Variants in ZNF529 observed in about 807,000 individuals in gnomAD.
The protein encoded by ZNF529 is zinc finger protein 529.
A neutral mutation model predicts 10.1 loss-of-function variants in ZNF529; 11 were observed. The observed-to-expected ratio is 1.09, with a 90% CI of 0.69 to 1.81. The LOEUF (loss-of-function observed/expected upper bound fraction) is 1.81. ZNF529 is among the 40% of genes most tolerant of loss of function. The pLI is 0.00. For missense variants in ZNF529, 624 were observed against 666.8 expected (o/e 0.94, Z 0.71); for synonymous variants, 204 against 215.7 (o/e 0.95, Z 0.47).
At position 36,547,775 on chromosome 19, in the gene ZNF529, C is replaced by T. The variant is rs530867282; in HGVS notation, c.783G>A (p.Arg261=). 1.9e-6 allele frequency: 3 copies of T among 1,612,562 alleles called. No homozygotes were observed. The highest frequency in any genetic ancestry group is 4.5e-5 in the East Asian group (2 of 44,850). The change falls in exon 5 of 5, where the codon AGG becomes AGA. Residue 261 remains arginine, a synonymous_variant. Coordinates refer to ENST00000591340, the MANE Select transcript of ZNF529 (RefSeq NM_020951.5). The part of the protein sequence containing the change: ...EKFYKCKEYR[R]TFERVGKVTP... ...TAACTTTTCCAACTCTTTCAAAGGTCCTTCTGTATTCCTTACATTTATAGA... is the reference window on the plus strand; with the variant it reads ...TAACTTTTCCAACTCTTTCAAAGGTTCTTCTGTATTCCTTACATTTATAGA...
intron 1 of ZNF529, among the ~76,000 whole-genome samples, chr19:36,591,912 CCT>C (rs556822754): frequency 5.7e-4 from 87 of 152,018 alleles, no homozygotes; most frequent in Non-Finnish European, 1.0e-3. Flanking sequence ...AATACCAAAA[CCT>C]GATAAAGATA....
upstream of ZNF529, chr19:36,573,379 AGCTCAAGCGGAGCCCG>A (rs1568605315): frequency 2.2e-6 from 1 of 462,370 alleles, no homozygotes; most frequent in South Asian, 1.6e-5. Flanking sequence ...AGAGCCCTGA[AGCTCAAGCGGAGCCCG>A]CTGGCCGCAG....
intron 2 of ZNF529, among the ~76,000 whole-genome samples, chr19:36,566,544 C>G (rs1164701315): frequency 6.6e-6 from 1 of 150,464 alleles, no homozygotes; most frequent in Non-Finnish European, 1.5e-5. Context: ...AAAAAATTAG[C>G]CAGGCATGGT....
intron 2 of ZNF529, 108 bp from the exon 3 acceptor site, chr19:36,556,305 CATGTT>C (rs1031594693): frequency 3.0e-6 from 2 of 664,686 alleles, no homozygotes; most frequent in African/African-American, 3.7e-5. Context: ...TCTCAAAAAA[CATGTT>C]AAGAACTCTT....
chr19:36,595,759 T>C (rs146542499), intron 1 of ZNF529, among the ~76,000 whole-genome samples: 40 of 152,322 alleles, frequency 2.6e-4, no homozygotes, highest in Non-Finnish European at 5.7e-4. Flanking sequence ...GTCAGACTTA[T>C]ATTCTCTAGT....
chr19:36,601,772 A>T (rs1261126112), intron 1 of ZNF529, among the ~76,000 whole-genome samples: 1 of 152,090 alleles, frequency 6.6e-6, no homozygotes, highest in African/African-American at 2.4e-5. Context: ...AGTATTAATA[A>T]TTAGCAAAAC....
chr19:36,589,476 TTTG>T (rs2036658344), intron 2 of ZNF529: 1 of 152,234 alleles, frequency 6.6e-6, no homozygotes, highest in African/African-American at 2.4e-5. Flanking sequence ...TCTTACTGTG[TTTG>T]TTGTTTTCAT....
At chr19:36,574,849 C>T (rs533059366), upstream of ZNF529, 3 of 471,202 alleles carry the variant, frequency 6.4e-6, no homozygotes, top group Admixed American at 2.3e-5. Context: ...AAAGCTGGCA[C>T]GTTTCCATTT....
chr19:36,573,207 C>T lies in ZNF529; in HGVS notation c.-114G>A, dbSNP rs745345685. 54 of 326,798 alleles carry T rather than the reference C, an allele frequency of 1.7e-4. No individual in the cohort carries two copies. The highest frequency in any genetic ancestry group is 1.1e-4 in the African/African-American group (5 of 46,372). The allele number at this position is 326,798 out of a possible 1,614,324, so 20.2% of individuals were successfully genotyped here. On this transcript the variant is annotated 5_prime_UTR_variant, in exon 1 of 5. Transcript: ENST00000591340. ...CGGCTCCACGTGGACCGACCTCGCC[C>T]GGCAGCGCGGGGCCACCTCACCGCG...
chr19:36,591,340 C>T (rs930847551), intron 1 of ZNF529, among the ~76,000 whole-genome samples: 1 of 148,102 alleles, frequency 6.8e-6, no homozygotes, highest in African/African-American at 2.5e-5. Context: ...GACAAGTCAA[C>T]AAATTTGAGA....
intron 2 of ZNF529, among the ~76,000 whole-genome samples, chr19:36,564,793 A>G (rs1342443183): frequency 1.3e-5 from 2 of 152,146 alleles, no homozygotes; most frequent in Non-Finnish European, 2.9e-5. Flanking sequence ...AGACACATGC[A>G]CTCATGTTCA....
Position 36,573,252 on chromosome 19 carries a change from C to A in ZNF529, c.-159G>T, listed in dbSNP as rs749157790. ...ACCGCGAGCTCCTCCCGCAGCCCGG[C>A]CCGGGTCACCTCGACTCGCCAGGCT... is the stretch of plus-strand genomic sequence containing the variant. On this transcript the variant is annotated 5_prime_UTR_variant, in exon 1 of 5. Transcript: ENST00000591340. 6.5e-6 allele frequency: 2 copies of A among 308,042 alleles called. No individual in the cohort carries two copies. The highest frequency in any genetic ancestry group is 2.5e-5 in the South Asian group (1 of 40,488). 19.1% of individuals were successfully genotyped at this position (308,042 alleles called of 1,614,324 possible). A position where few individuals can be genotyped will look rare whatever the true frequency, so the allele number is the denominator to read the frequency against.
At chr19:36,572,883 A>T (rs2036185849) in intron 1 of ZNF529, among the ~76,000 whole-genome samples, 1 of 151,454 alleles carries the variant, frequency 6.6e-6, no homozygotes, top group Non-Finnish European at 1.5e-5. Flanking sequence ...CCCAAAACAA[A>T]CTCCTACAGG....
chr19:36,590,947 A>G (rs1416070643), intron 1 of ZNF529, among the ~76,000 whole-genome samples: 2 of 148,466 alleles, frequency 1.3e-5, no homozygotes, highest in African/African-American at 4.9e-5. Flanking sequence ...AAAAAAAAAG[A>G]GTTGATAAAA....
rs1463027313 is a variant in ZNF529 at position 36,546,744 on chromosome 19, C to T, written c.*122G>A. ...ATTCTACGTCTACATACAGAATGAC[C>T]ATGAAGTCTAAAAACAGACTTTAAG... On this transcript the variant is annotated 3_prime_UTR_variant, in exon 5 of 5. Coordinates refer to ENST00000591340, the MANE Select transcript of ZNF529 (RefSeq NM_020951.5). 3 of 1,033,382 alleles carry T rather than the reference C, an allele frequency of 2.9e-6. No individual in the cohort carries two copies. The African/African-American group carries it at 4.8e-5, about 17-fold the overall frequency. 64.0% of individuals were successfully genotyped at this position (1,033,382 alleles called of 1,614,324 possible). A position where few individuals can be genotyped will look rare whatever the true frequency, so the allele number is the denominator to read the frequency against.
chr19:36,583,849 G>A (rs2036522801), intron 2 of ZNF529, among the ~76,000 whole-genome samples: 1 of 151,724 alleles, frequency 6.6e-6, no homozygotes. Context: ...CTATAATGCA[G>A]CACAGAGATA....
chr19:36,580,330 T>G (rs1338044252), intron 2 of ZNF529: 6 of 145,752 alleles, frequency 4.1e-5, no homozygotes, highest in Non-Finnish European at 6.0e-5. Context: ...ATAAATTACA[T>G]AAACTAGTAA....
intron 4 of ZNF529, chr19:36,551,741 G>T (rs548804759): frequency 6.6e-5 from 10 of 152,134 alleles, no homozygotes; most frequent in African/African-American, 2.2e-4. Flanking sequence ...AAGGAACTGT[G>T]TATCTATAAA....
chr19:36,579,536 T>TA (rs1250064280), intron 2 of ZNF529, among the ~76,000 whole-genome samples: 1 of 152,254 alleles, frequency 6.6e-6, no homozygotes, highest in African/African-American at 2.4e-5. Flanking sequence ...GTATAGCCTA[T>TA]TGCTCCTAGG....
Sources: allele counts gnomAD v4.1 joint callset (sites outside exome capture counted in the v4.1 genomes callset), GRCh38; gene constraint gnomAD v4.1.1; transcripts MANE v1.5; gene names NCBI Gene and HGNC (gene_info 2026-07-23, HGNC 2026-07-21).